UGT2A3: variants seen among roughly 807,000 people sequenced by gnomAD.
UGT2A3 encodes the protein UDP-glucuronosyltransferase 2A3.
In UGT2A3, 55 loss-of-function variants were observed where a neutral mutation model predicts 44.1. The observed-to-expected ratio is 1.25, with a 90% CI of 1.00 to 1.56. The LOEUF (loss-of-function observed/expected upper bound fraction) is 1.56, where lower values mean the gene tolerates loss of function less well. UGT2A3 is among the 40% of genes most tolerant of loss of function. The pLI is 0.00. For synonymous variants in UGT2A3, 243 were observed against 215.1 expected, an observed-to-expected ratio of 1.13 and a Z score of -1.13; for missense variants, 733 against 621.6, an observed-to-expected ratio of 1.18 and a Z score of -1.91.
At chr4:68,936,360 A>G (rs1483008035) in intron 2 of UGT2A3, among the ~76,000 whole-genome samples, 1 of 152,102 alleles carries the variant, frequency 6.6e-6, no homozygotes, top group Admixed American at 6.6e-5. Flanking sequence ...CAAACAGTGG[A>G]TCTCTCAGCA....
intron 1 of UGT2A3, among the ~76,000 whole-genome samples, chr4:68,946,650 C>G (rs996454563): frequency 2.0e-5 from 3 of 151,544 alleles, no homozygotes; most frequent in Non-Finnish European, 4.4e-5. Flanking sequence ...AGGATAAATA[C>G]ACAGTAACAA....
chr4:68,928,754 T>TAC lies in UGT2A3; in HGVS notation c.*1057_*1058dup. ...CTATATTTAGCTTTGTGTAGAGCTT[T>TAC]ACATATCAAAATATTTAATATATAA... is the stretch of plus-strand genomic sequence containing the variant. On this transcript the variant is annotated 3_prime_UTR_variant, in exon 6 of 6. Transcript: ENST00000251566. The TAC allele has an allele frequency of 6.6e-6, 1 of 151,996 alleles. No homozygotes were observed. The highest frequency in any genetic ancestry group is 2.1e-4 in the South Asian group (1 of 4,826). 9.4% of individuals were successfully genotyped at this position (151,996 alleles called of 1,614,324 possible).
At position 68,951,794 on chromosome 4, in the gene UGT2A3, G is replaced by T. The variant is rs757368011; in HGVS notation, c.-34C>A. 5 of 1,470,228 alleles carry T rather than the reference G, an allele frequency of 3.4e-6. No homozygotes were observed. The highest frequency in any genetic ancestry group is 4.6e-6 in the Non-Finnish European group (5 of 1,092,158). The allele number at this position is 1,470,228 out of a possible 1,614,324, so 91.1% of individuals were successfully genotyped here. A position where few individuals can be genotyped will look rare whatever the true frequency, so the allele number is the denominator to read the frequency against. ...TTCCCTCACACACTGATCTGCAATG[G>T]TTTTGTAGTTACTAAGCAAGGAGTT... On this transcript the variant is annotated 5_prime_UTR_variant, in exon 1 of 6. Transcript: ENST00000251566.
At chr4:68,936,525 A>T (rs1209432870) in intron 2 of UGT2A3, among the ~76,000 whole-genome samples, 2 of 152,114 alleles carry the variant, frequency 1.3e-5, no homozygotes, top group Non-Finnish European at 2.9e-5. Flanking sequence ...AGATTTTGTC[A>T]CCACCAGGCC....
At chr4:68,942,930 G>T (rs922234662) in intron 2 of UGT2A3, among the ~76,000 whole-genome samples, 1 of 151,612 alleles carries the variant, frequency 6.6e-6, no homozygotes, top group African/African-American at 2.4e-5. Context: ...ACAAAGAAAT[G>T]ATAAATATTT....
chr4:68,944,730 T>C (rs1718318642), intron 2 of UGT2A3, among the ~76,000 whole-genome samples: 1 of 151,730 alleles, frequency 6.6e-6, no homozygotes. Flanking sequence ...GAGCTCAAAG[T>C]GGATAGTCAC....
At chr4:68,946,222 T>C (rs1388972370) in intron 1 of UGT2A3, among the ~76,000 whole-genome samples, 3 of 151,860 alleles carry the variant, frequency 2.0e-5, no homozygotes, top group Non-Finnish European at 3.0e-5. Context: ...AAGTAATTAG[T>C]ATCTCTTTAC....
intron 1 of UGT2A3, among the ~76,000 whole-genome samples, chr4:68,950,818 C>T (rs188677635): frequency 6.6e-6 from 1 of 151,820 alleles, no homozygotes; most frequent in East Asian, 2.0e-4. Flanking sequence ...GGAGGAAATA[C>T]AAAATATAAT....
intron 1 of UGT2A3, among the ~76,000 whole-genome samples, chr4:68,948,762 T>G (rs1718475418): frequency 6.6e-6 from 1 of 151,910 alleles, no homozygotes; most frequent in Admixed American, 6.6e-5. Context: ...CTTGTTTAAC[T>G]GTTTGGTGCA....
intron 2 of UGT2A3, among the ~76,000 whole-genome samples, chr4:68,939,226 A>T (rs1425974045): frequency 6.6e-6 from 1 of 152,194 alleles, no homozygotes; most frequent in Non-Finnish European, 1.5e-5. Context: ...AGCAAAAATG[A>T]GCCTGCATTG....
chr4:68,949,050 T>G (rs1484777482), intron 1 of UGT2A3, among the ~76,000 whole-genome samples: 1 of 151,756 alleles, frequency 6.6e-6, no homozygotes, highest in Non-Finnish European at 1.5e-5. Flanking sequence ...TTATCTCTCC[T>G]GGGACCTAAT....
chr4:68,948,831 GCTGT>G (rs2109797386), intron 1 of UGT2A3, among the ~76,000 whole-genome samples: 1 of 151,874 alleles, frequency 6.6e-6, no homozygotes, highest in East Asian at 2.0e-4. Context: ...AACAACTGAG[GCTGT>G]CTAATTTGTA....
At chr4:68,936,079 A>T (rs1036922520) in intron 2 of UGT2A3, among the ~76,000 whole-genome samples, 4 of 152,126 alleles carry the variant, frequency 2.6e-5, no homozygotes, top group African/African-American at 9.6e-5. Context: ...GACCAAATAT[A>T]TGTTTGATTG....
In UGT2A3 at chr4:68,929,461, C is replaced by T. The variant is rs1043690552; in HGVS notation, c.*352G>A. On this transcript the variant is annotated 3_prime_UTR_variant, in exon 6 of 6. Transcript: ENST00000251566. ...TTTGTGAATTTTAAGTTTTTTACCT[C>T]TTTATATCCATGTGTTTGGGCGCAC... is the stretch of plus-strand genomic sequence containing the variant. The T allele has an allele frequency of 1.8e-5, 3 of 170,170 alleles. No individual in the cohort carries two copies. Among genetic ancestry groups the T allele is most frequent in the African/African-American group, 7.1e-5 (3 of 42,162 alleles). 10.5% of individuals were successfully genotyped at this position (170,170 alleles called of 1,614,324 possible). A position where few individuals can be genotyped will look rare whatever the true frequency, so the allele number is the denominator to read the frequency against.
At chr4:68,938,028 A>T (rs1718021654) in intron 2 of UGT2A3, among the ~76,000 whole-genome samples, 1 of 152,144 alleles carries the variant, frequency 6.6e-6, no homozygotes, top group Non-Finnish European at 1.5e-5. Context: ...TGAATCTCTG[A>T]ATGGAACAAT....
At chr4:68,938,225 A>T (rs1034291551) in intron 2 of UGT2A3, among the ~76,000 whole-genome samples, 4 of 152,094 alleles carry the variant, frequency 2.6e-5, no homozygotes, top group Non-Finnish European at 4.4e-5. Context: ...CATCGTCCTG[A>T]TACCAAAGCC....
At chr4:68,941,879 CA>C (rs1362437193) in intron 2 of UGT2A3, among the ~76,000 whole-genome samples, 3 of 151,708 alleles carry the variant, frequency 2.0e-5, no homozygotes, top group South Asian at 4.1e-4. Context: ...AGTATAATTA[CA>C]AAATGCTCAA....
intron 1 of UGT2A3, among the ~76,000 whole-genome samples, chr4:68,950,266 G>C (rs907544350): frequency 6.6e-6 from 1 of 151,794 alleles, no homozygotes; most frequent in African/African-American, 2.4e-5. Flanking sequence ...ATTTGAACTG[G>C]GATCCTCTGA....
chr4:68,945,824 T>A (rs940693399), intron 1 of UGT2A3, among the ~76,000 whole-genome samples: 2 of 151,552 alleles, frequency 1.3e-5, no homozygotes, highest in Non-Finnish European at 3.0e-5. Context: ...AAAATGCAAA[T>A]GAATTTATTA....
Sources: gnomAD v4.1 joint callset for allele counts (sites outside exome capture counted in the v4.1 genomes callset) on GRCh38, gnomAD v4.1.1 for gene constraint, MANE v1.5 for transcripts, NCBI Gene and HGNC (gene_info 2026-07-23, HGNC 2026-07-21) for gene names.